Variants in SPRED1 observed in about 807,000 individuals in gnomAD.
SPRED1 encodes the protein sprouty-related, EVH1 domain-containing protein 1.
In SPRED1, 18 loss-of-function variants were observed where a neutral mutation model predicts 52.3. That is an observed-to-expected ratio of 0.34 (90% confidence interval 0.24 to 0.51). The LOEUF is 0.51. SPRED1 is among the 20% of genes least tolerant of loss of function. SPRED1 has a pLI of 0.97. For synonymous variants in SPRED1, 155 were observed against 179.7 expected (o/e 0.86, Z 1.10); for missense variants, 485 against 551.0 (o/e 0.88, Z 1.20).
At chr15:38,329,436 A>T (rs1895768471) in intron 4 of SPRED1, among the ~76,000 whole-genome samples, 1 of 152,196 alleles carries the variant, frequency 6.6e-6, no homozygotes. Flanking sequence ...TAATATTTTA[A>T]TAAGGCTCTA....
At chr15:38,315,649 A>G (rs1895462946) in intron 2 of SPRED1, among the ~76,000 whole-genome samples, 1 of 151,808 alleles carries the variant, frequency 6.6e-6, no homozygotes, top group Admixed American at 6.6e-5. Flanking sequence ...AGATTGAAGC[A>G]TTTTTACAGC....
At chr15:38,282,567 G>A (rs1348885153) in intron 1 of SPRED1, among the ~76,000 whole-genome samples, 1 of 152,120 alleles carries the variant, frequency 6.6e-6, no homozygotes, top group Non-Finnish European at 1.5e-5. Context: ...TGGGTGGTAT[G>A]TTTGATTTAC....
chr15:38,301,390 G>A (rs1029685462), intron 2 of SPRED1, among the ~76,000 whole-genome samples: 2 of 152,108 alleles, frequency 1.3e-5, no homozygotes, highest in African/African-American at 4.8e-5. Context: ...GAAGTAACAG[G>A]AATCAGAACA....
At chr15:38,270,055 G>A (rs1049227203) in intron 1 of SPRED1, among the ~76,000 whole-genome samples, 3 of 151,916 alleles carry the variant, frequency 2.0e-5, no homozygotes, top group Non-Finnish European at 4.4e-5. Flanking sequence ...TTAAAGACGT[G>A]TGCCACCATG....
intron 5 of SPRED1, among the ~76,000 whole-genome samples, chr15:38,346,586 G>A (rs1371325837): frequency 6.6e-6 from 1 of 152,116 alleles, no homozygotes; most frequent in South Asian, 2.1e-4. Flanking sequence ...CTATTACCTG[G>A]AATTGTATTT....
chr15:38,261,445 C>T (rs1483184949), intron 1 of SPRED1, among the ~76,000 whole-genome samples: 1 of 152,152 alleles, frequency 6.6e-6, no homozygotes, highest in Non-Finnish European at 1.5e-5. Flanking sequence ...GTTTGGAGAG[C>T]AAAGAATAAC....
At chr15:38,295,726 G>A (rs954095421) in intron 1 of SPRED1, among the ~76,000 whole-genome samples, 2 of 152,058 alleles carry the variant, frequency 1.3e-5, no homozygotes, top group African/African-American at 4.8e-5. Flanking sequence ...TGAACATCAT[G>A]CACAATTATT....
intron 2 of SPRED1, among the ~76,000 whole-genome samples, chr15:38,308,206 G>T (rs1469370996): frequency 6.6e-6 from 1 of 152,074 alleles, no homozygotes; most frequent in Admixed American, 6.6e-5. Flanking sequence ...AATTTTTGTT[G>T]AGATAATTGT....
At chr15:38,324,493 G>T (rs2140996395) in intron 3 of SPRED1, among the ~76,000 whole-genome samples, 1 of 152,282 alleles carries the variant, frequency 6.6e-6, no homozygotes, top group Non-Finnish European at 1.5e-5. Context: ...GAAACTAGGG[G>T]CAGGGGTAGC....
At chr15:38,321,923 A>G (rs549376286) in intron 2 of SPRED1, among the ~76,000 whole-genome samples, 6 of 152,116 alleles carry the variant, frequency 3.9e-5, no homozygotes, top group Admixed American at 6.6e-5. Flanking sequence ...TTAAATTTCT[A>G]TTATTACCAA....
intron 4 of SPRED1, among the ~76,000 whole-genome samples, chr15:38,330,605 A>T (rs1346716606): frequency 6.6e-6 from 1 of 152,142 alleles, no homozygotes; most frequent in Non-Finnish European, 1.5e-5. Context: ...AATTTTAAAT[A>T]CCTAAAGAAT....
chr15:38,300,411 G>T (rs1325870936), intron 2 of SPRED1, among the ~76,000 whole-genome samples: 1 of 152,080 alleles, frequency 6.6e-6, no homozygotes, highest in Non-Finnish European at 1.5e-5. Context: ...TATATTTGTG[G>T]ATCTGTTTAT....
chr15:38,324,686 A>G, intron 3 of SPRED1, 77 bp from the exon 4 acceptor site: 1 of 1,125,156 alleles, frequency 8.9e-7, no homozygotes, highest in Non-Finnish European at 1.3e-6. Flanking sequence ...TATTATAATG[A>G]CATAATCAAT....
chr15:38,316,574 T>C (rs1422227778), intron 2 of SPRED1, among the ~76,000 whole-genome samples: 1 of 151,888 alleles, frequency 6.6e-6, no homozygotes, highest in Non-Finnish European at 1.5e-5. Context: ...TTTATTATTA[T>C]AGTCACTTTC....
chr15:38,329,210 T>C (rs370332726), intron 4 of SPRED1, among the ~76,000 whole-genome samples: 1 of 152,178 alleles, frequency 6.6e-6, no homozygotes, highest in Non-Finnish European at 1.5e-5. Flanking sequence ...TATCATGTTT[T>C]TGGGCAGAAG....
intron 4 of SPRED1, among the ~76,000 whole-genome samples, chr15:38,329,434 T>TA (rs1004557838): frequency 6.6e-6 from 1 of 152,192 alleles, no homozygotes; most frequent in African/African-American, 2.4e-5. Flanking sequence ...GGTAATATTT[T>TA]AATAAGGCTC....
At chr15:38,261,907 G>A (rs953370049) in intron 1 of SPRED1, among the ~76,000 whole-genome samples, 1 of 151,524 alleles carries the variant, frequency 6.6e-6, no homozygotes, top group Non-Finnish European at 1.5e-5. Context: ...AATTTAGTGA[G>A]TTGTGTCTTT....
intron 1 of SPRED1, among the ~76,000 whole-genome samples, chr15:38,271,937 C>T (rs2140957134): frequency 6.6e-6 from 1 of 152,222 alleles, no homozygotes; most frequent in East Asian, 1.9e-4. Context: ...TCCCCAGTGT[C>T]TATTGTTCCC....
chr15:38,350,770 G>T (rs12913505), intron 6 of SPRED1, among the ~76,000 whole-genome samples: 10 of 152,190 alleles, frequency 6.6e-5, no homozygotes, highest in African/African-American at 1.2e-4. Context: ...TTCTTGCTCA[G>T]GGGGAGCTCA....
Sources: allele counts gnomAD v4.1 joint callset (sites outside exome capture counted in the v4.1 genomes callset), GRCh38; gene constraint gnomAD v4.1.1; transcripts MANE v1.5; gene names NCBI Gene and HGNC (gene_info 2026-07-23, HGNC 2026-07-21).